Variants in ZNF829 observed in about 807,000 individuals in gnomAD.
The protein encoded by ZNF829 is zinc finger protein 829.
In ZNF829, 25 loss-of-function variants were observed where a neutral mutation model predicts 35.2. The ratio of observed to expected loss-of-function variants is 0.71; its 90% CI spans 0.52 to 0.99. ZNF829 has a LOEUF of 0.99. Among genes scored for constraint, ZNF829 ranks in the 50% least tolerant of loss-of-function variants. The probability of loss-of-function intolerance (pLI) is 0.00; values close to 1 mark genes in which losing one functional copy is unlikely to be tolerated. For missense variants in ZNF829, 417 were observed against 515.3 expected (o/e 0.81, Z 1.85); for synonymous variants, 136 against 163.2 (o/e 0.83, Z 1.27).
At position 36,890,976 on chromosome 19, in the gene ZNF829, T is replaced by C. The variant is rs952018184; in HGVS notation, c.*516A>G. 1.3e-5 allele frequency: 2 copies of C among 152,894 alleles called. No homozygotes were observed. Among genetic ancestry groups the C allele is most frequent in the African/African-American group, 2.4e-5 (1 of 41,488 alleles). The allele number at this position is 152,894 out of a possible 1,614,324, so 9.5% of individuals were successfully genotyped here. A position where few individuals can be genotyped will look rare whatever the true frequency, so the allele number is the denominator to read the frequency against. ...GGTTGAACTGTATCCCCTAAAAAGA[T>C]ATGCTGAAGTCCTAACCCCTGGTAC... On this transcript the variant is annotated 3_prime_UTR_variant, in exon 6 of 6. Coordinates refer to ENST00000391711, the MANE Select transcript of ZNF829 (RefSeq NM_001037232.4).
At chr19:36,899,748 T>C (rs777528506) in intron 5 of ZNF829, among the ~76,000 whole-genome samples, 5 of 139,306 alleles carry the variant, frequency 3.6e-5, no homozygotes, top group Admixed American at 7.1e-5. Flanking sequence ...TTAAGTACTC[T>C]TACCCTAAAC....
chr19:36,896,188 G>A (rs1166610109), intron 5 of ZNF829, among the ~76,000 whole-genome samples: 2 of 152,066 alleles, frequency 1.3e-5, no homozygotes, highest in Admixed American at 6.6e-5. Context: ...GCAGGCACCT[G>A]TAGTCCCACC....
At chr19:36,908,959 G>A (rs959638027) in intron 3 of ZNF829, among the ~76,000 whole-genome samples, 3 of 152,152 alleles carry the variant, frequency 2.0e-5, no homozygotes, top group African/African-American at 7.2e-5. Flanking sequence ...AGATTACTAA[G>A]CCACTATGAA....
chr19:36,915,865 T>G, intron 1 of ZNF829, 146 bp downstream of exon 1: 1 of 1,536,036 alleles, frequency 6.5e-7, no homozygotes, highest in Non-Finnish European at 8.7e-7. Context: ...AAACACAACC[T>G]CCACCTTTCA....
chr19:36,907,884 A>C lies in ZNF829; in HGVS notation c.319+45T>G, dbSNP rs750340020. 3 of 1,516,632 alleles carry C rather than the reference A, an allele frequency of 2.0e-6. No individual in the cohort carries two copies. In the East Asian group the frequency reaches 6.8e-5, roughly 34 times the overall value. 93.9% of individuals were successfully genotyped at this position (1,516,632 alleles called of 1,614,324 possible). A position where few individuals can be genotyped will look rare whatever the true frequency, so the allele number is the denominator to read the frequency against. ...AGCTTCCTGATAACATCTCAGAAGT[A>C]TATCTCTTTATAGCCCTGCTCCTGA... On this transcript the variant is annotated intron_variant, in intron 5 of 5. Coordinates refer to ENST00000391711, the MANE Select transcript of ZNF829 (RefSeq NM_001037232.4).
At chr19:36,905,208 A>G (rs1239013939) in intron 5 of ZNF829, among the ~76,000 whole-genome samples, 4 of 152,108 alleles carry the variant, frequency 2.6e-5, no homozygotes, top group African/African-American at 9.7e-5. Flanking sequence ...TATTTACAGC[A>G]ATGTTCTAGC....
rs1297118919 is a variant in ZNF829, at chr19:36,888,317, A to G, written c.*3175T>C. 1 of 151,218 alleles carries G rather than the reference A, an allele frequency of 6.6e-6. No individual in the cohort carries two copies. The highest frequency in any genetic ancestry group is 1.5e-5 in the Non-Finnish European group (1 of 68,022). The allele number at this position is 151,218 out of a possible 1,614,324, so 9.4% of individuals were successfully genotyped here. ...TGTTTCCTGTTCTATCTCCCAACAC[A>G]TACAGTGTTATTACCACAATATAGT... On this transcript the variant is annotated 3_prime_UTR_variant, in exon 6 of 6. Transcript: ENST00000391711.
At chr19:36,900,167 C>T (rs1479355726) in intron 5 of ZNF829, among the ~76,000 whole-genome samples, 1 of 149,574 alleles carries the variant, frequency 6.7e-6, no homozygotes, top group Non-Finnish European at 1.5e-5. Flanking sequence ...CACACACACA[C>T]ACACACACAC....
At chr19:36,906,583 T>C (rs1487904941) in intron 5 of ZNF829, 3 of 152,204 alleles carry the variant, frequency 2.0e-5, no homozygotes, top group African/African-American at 7.2e-5. Flanking sequence ...GTATATTTAC[T>C]AAAGTTGAAC....
At chr19:36,902,022 G>A in intron 5 of ZNF829, 1 of 660,294 alleles carries the variant, frequency 1.5e-6, no homozygotes, top group Non-Finnish European at 2.7e-6. Flanking sequence ...ATACGTAATG[G>A]GGATGAAGAT....
chr19:36,911,420 C>T (rs2073263718), intron 3 of ZNF829, among the ~76,000 whole-genome samples: 2 of 152,030 alleles, frequency 1.3e-5, no homozygotes, highest in African/African-American at 4.8e-5. Context: ...CCATGTTGTC[C>T]AGGCTGTTCT....
At chr19:36,893,708 C>T (rs980812973) in intron 5 of ZNF829, among the ~76,000 whole-genome samples, 1 of 152,150 alleles carries the variant, frequency 6.6e-6, no homozygotes, top group Admixed American at 6.5e-5. Context: ...TAAGTATTCC[C>T]TCCACACAAT....
chr19:36,910,755 C>T (rs1255377929), intron 3 of ZNF829, among the ~76,000 whole-genome samples: 1 of 152,120 alleles, frequency 6.6e-6, no homozygotes, highest in Non-Finnish European at 1.5e-5. Flanking sequence ...GCCTGTAATT[C>T]CAGCACTTTG....
At chr19:36,901,138 A>G (rs1039448078) in intron 5 of ZNF829, among the ~76,000 whole-genome samples, 4 of 152,250 alleles carry the variant, frequency 2.6e-5, no homozygotes, top group African/African-American at 9.6e-5. Flanking sequence ...CAACTGATCA[A>G]TGGATAAATG....
At chr19:36,898,770 A>C (rs1199038361) in intron 5 of ZNF829, among the ~76,000 whole-genome samples, 1 of 152,184 alleles carries the variant, frequency 6.6e-6, no homozygotes, top group East Asian at 1.9e-4. Context: ...CACGCTGTTC[A>C]ATAAATGGTG....
intron 3 of ZNF829, among the ~76,000 whole-genome samples, chr19:36,913,676 T>A (rs929066779): frequency 1.3e-5 from 2 of 152,112 alleles, no homozygotes; most frequent in Non-Finnish European, 2.9e-5. Flanking sequence ...GGGGAGAGAA[T>A]GATACGGGGG....
In ZNF829 at chr19:36,892,197, G is replaced by T. The variant is rs776456815; in HGVS notation, c.594C>A (p.Leu198=). 2 of 1,613,942 alleles carry T rather than the reference G, an allele frequency of 1.2e-6. No homozygotes were observed. Among genetic ancestry groups the T allele is most frequent in the African/African-American group, 2.7e-5 (2 of 74,912 alleles). Residue 198 remains leucine (L), a synonymous_variant, in exon 6 of 6, where the codon CTC becomes CTA. Coordinates refer to ENST00000391711, the MANE Select transcript of ZNF829 (RefSeq NM_001037232.4). ...EYGKSFSRGS[L]VTRHQRIHTG... ...TGTGAATCCTCTGATGTCGAGTAAC[G>T]AGTGAGCCACGACTAAAGGACTTCC...
intron 3 of ZNF829, among the ~76,000 whole-genome samples, chr19:36,914,104 T>C (rs2073285588): frequency 6.6e-6 from 1 of 152,096 alleles, no homozygotes; most frequent in African/African-American, 2.4e-5. Context: ...CTATATAAAA[T>C]ATCTAAACAT....
intron 3 of ZNF829, among the ~76,000 whole-genome samples, chr19:36,911,104 C>A (rs2073260645): frequency 6.6e-6 from 1 of 152,102 alleles, no homozygotes; most frequent in South Asian, 2.1e-4. Context: ...AATTATTGAA[C>A]CTGAAGGAGA....
Sources: allele counts gnomAD v4.1 joint callset (sites outside exome capture counted in the v4.1 genomes callset), GRCh38; gene constraint gnomAD v4.1.1; transcripts MANE v1.5; gene names NCBI Gene and HGNC (gene_info 2026-07-23, HGNC 2026-07-21).